YY1: variants seen among roughly 807,000 people sequenced by gnomAD.
The protein encoded by YY1 is YY1 transcription factor.
A neutral mutation model predicts 35.6 loss-of-function variants in YY1; 2 were observed. That is an observed-to-expected ratio of 0.06 (90% CI 0.02 to 0.18). The LOEUF is 0.18. Ranked by LOEUF, YY1 falls within the 10% of genes least tolerant of loss-of-function variation. The pLI is 1.00. For missense variants in YY1, 322 were observed against 573.4 expected (o/e 0.56, Z 4.48); for synonymous variants, 268 against 238.9 (o/e 1.12, Z -1.12).
rs1054379828 is a variant in YY1 at position 100,282,373 on chromosome 14, T to C, written c.*4773T>C. 2.6e-5 allele frequency: 4 copies of C among 151,980 alleles called. No individual in the cohort carries two copies. The highest frequency in any genetic ancestry group is 9.7e-5 in the African/African-American group (4 of 41,358). The allele number at this position is 151,980 out of a possible 1,614,324, so 9.4% of individuals were successfully genotyped here. ...GCTCTGTTCTGTCTGCTGCTCTCTCTGGGGGCCGCACAATGTCCGCACACA... is the reference window on the plus strand; with the variant it reads ...GCTCTGTTCTGTCTGCTGCTCTCTCCGGGGGCCGCACAATGTCCGCACACA... On this transcript the variant is annotated 3_prime_UTR_variant, in exon 5 of 5. Transcript: ENST00000262238.
At chr14:100,248,679 CTTTTTTTT>C (rs11415073) in intron 1 of YY1, among the ~76,000 whole-genome samples, 3 of 105,014 alleles carry the variant, frequency 2.9e-5, no homozygotes, top group East Asian at 2.7e-4. Context: ...GAGTAAAATT[CTTTTTTTT>C]TTTTTTTTTT....
intron 2 of YY1, among the ~76,000 whole-genome samples, chr14:100,273,737 ATC>A (rs1482689670): frequency 6.6e-6 from 1 of 152,112 alleles, no homozygotes; most frequent in Admixed American, 6.5e-5. Flanking sequence ...CAAAAAGAAA[ATC>A]TGTTTCCGAG....
intron 2 of YY1, among the ~76,000 whole-genome samples, chr14:100,269,964 C>T (rs995528168): frequency 6.6e-6 from 1 of 152,022 alleles, no homozygotes; most frequent in African/African-American, 2.4e-5. Flanking sequence ...GATAAAATAT[C>T]TTTTAAAAAA....
intron 1 of YY1, among the ~76,000 whole-genome samples, chr14:100,250,256 G>A (rs1890904307): frequency 6.6e-6 from 1 of 152,194 alleles, no homozygotes; most frequent in Admixed American, 6.5e-5. Context: ...GGGAAAAACT[G>A]GGAAACAACC....
chr14:100,246,481 T>G (rs1432471872), intron 1 of YY1, among the ~76,000 whole-genome samples: 2 of 152,144 alleles, frequency 1.3e-5, no homozygotes, highest in Non-Finnish European at 2.9e-5. Flanking sequence ...TGTGGGGTGG[T>G]GAGACCCCAC....
At chr14:100,265,101 G>A (rs1891134083) in intron 2 of YY1, among the ~76,000 whole-genome samples, 1 of 152,048 alleles carries the variant, frequency 6.6e-6, no homozygotes, top group Non-Finnish European at 1.5e-5. Flanking sequence ...AACTGAACCA[G>A]GCATGGTGGC....
rs1184474453 is a variant in YY1 at position 100,276,471 on chromosome 14, C to G, written c.904-19C>G. 6.2e-7 allele frequency: 1 copy of G among 1,614,192 alleles called. No individual in the cohort carries two copies. Among genetic ancestry groups the G allele is most frequent in the Non-Finnish European group, 8.5e-7 (1 of 1,180,024 alleles). On this transcript the variant is annotated intron_variant, in intron 3 of 4. Coordinates refer to ENST00000262238, the MANE Select transcript of YY1 (RefSeq NM_003403.5). This position sits in a 1 kb window ranked among gnomAD's most constrained non-coding sequence, Gnocchi z 4.1. ...ACAGTTTGCAATGTGAACTTCTAAGCTGCTTTCTCTGTTTTAAGGGCTGCA... is the reference window on the plus strand; with the variant it reads ...ACAGTTTGCAATGTGAACTTCTAAGGTGCTTTCTCTGTTTTAAGGGCTGCA...
At chr14:100,265,647 C>CTTTTTT (rs10594089) in intron 2 of YY1, among the ~76,000 whole-genome samples, 3 of 104,452 alleles carry the variant, frequency 2.9e-5, no homozygotes, top group Non-Finnish European at 5.5e-5. Flanking sequence ...AACACTGAAG[C>CTTTTTT]TTTTTTTTTT....
intron 2 of YY1, among the ~76,000 whole-genome samples, chr14:100,269,241 C>T (rs1269491142): frequency 6.6e-6 from 1 of 152,140 alleles, no homozygotes; most frequent in Non-Finnish European, 1.5e-5. Context: ...TCACACATAG[C>T]CAATGGTAAT....
At position 100,246,964 on chromosome 14, in the gene YY1, C is replaced by T. The variant is rs145098535; in HGVS notation, c.679+7041C>T. Among the ~76,000 whole-genome samples the T allele has an allele frequency of 4.7e-4, 71 of 152,286 alleles. 2 individuals carry two copies. The highest frequency in any genetic ancestry group is 1.6e-3 in the African/African-American group (65 of 41,568). ...TAATAAAGCCTCTTGTGCTGTCAGA[C>T]TCTCCCCTCCAGGTTATTAACCTTG... On this transcript the variant is annotated intron_variant, in intron 1 of 4. Coordinates refer to ENST00000262238, the MANE Select transcript of YY1 (RefSeq NM_003403.5).
At chr14:100,273,843 T>C (rs1017067726) in intron 2 of YY1, among the ~76,000 whole-genome samples, 2 of 152,208 alleles carry the variant, frequency 1.3e-5, no homozygotes, top group Non-Finnish European at 2.9e-5. Context: ...GAGAAAGTTT[T>C]GACAAAAGTC....
intron 1 of YY1, among the ~76,000 whole-genome samples, chr14:100,253,152 TACA>T (rs1397351191): frequency 2.6e-5 from 4 of 152,160 alleles, no homozygotes; most frequent in Non-Finnish European, 5.9e-5. Context: ...GGAATAGACA[TACA>T]ACAATTTTTT....
At chr14:100,260,440 T>TATATATAC (rs1226195811) in intron 1 of YY1, among the ~76,000 whole-genome samples, 7 of 139,066 alleles carry the variant, frequency 5.0e-5, no homozygotes, top group Admixed American at 2.2e-4. Context: ...TATATATATA[T>TATATATAC]ATATATACAC....
intron 2 of YY1, among the ~76,000 whole-genome samples, chr14:100,271,815 T>A (rs373338054): frequency 6.6e-6 from 1 of 152,170 alleles, no homozygotes; most frequent in South Asian, 2.1e-4. Context: ...TGGCTAACTT[T>A]TTATTTTTTT....
At chr14:100,246,295 C>T (rs1306031638) in intron 1 of YY1, among the ~76,000 whole-genome samples, 1 of 152,240 alleles carries the variant, frequency 6.6e-6, no homozygotes, top group African/African-American at 2.4e-5. Flanking sequence ...AGTGTCCCCC[C>T]CATTCTGTCC....
At chr14:100,241,213 A>G (rs1434780586) in intron 1 of YY1, among the ~76,000 whole-genome samples, 2 of 152,248 alleles carry the variant, frequency 1.3e-5, no homozygotes, top group African/African-American at 4.8e-5. Flanking sequence ...AATGCCTGTG[A>G]TGATTACGTT....
chr14:100,248,781 G>A (rs1470191637), intron 1 of YY1, among the ~76,000 whole-genome samples: 2 of 149,030 alleles, frequency 1.3e-5, no homozygotes, highest in Non-Finnish European at 1.5e-5. Context: ...TCTGCCTCCC[G>A]GGTTCACACC....
At chr14:100,257,940 G>A (rs1464468690) in intron 1 of YY1, among the ~76,000 whole-genome samples, 2 of 152,054 alleles carry the variant, frequency 1.3e-5, no homozygotes, top group Non-Finnish European at 2.9e-5. Context: ...TTCGAAACCA[G>A]CCTAGGTAAC....
At chr14:100,265,686 G>C (rs1382529057) in intron 2 of YY1, among the ~76,000 whole-genome samples, 8 of 127,208 alleles carry the variant, frequency 6.3e-5, no homozygotes, top group Non-Finnish European at 1.6e-5. Flanking sequence ...GTCTCACTCT[G>C]TCGCCCAGGC....
Sources: gnomAD v4.1 joint callset for allele counts (sites outside exome capture counted in the v4.1 genomes callset) on GRCh38, gnomAD v4.1.1 for gene constraint, Gnocchi (gnomAD v3.1) non-coding constraint, MANE v1.5 for transcripts, NCBI Gene and HGNC (gene_info 2026-07-23, HGNC 2026-07-21) for gene names.